FAM168A: variants seen among roughly 807,000 people sequenced by gnomAD.
FAM168A encodes the protein protein FAM168A.
In FAM168A, 3 loss-of-function variants were observed where a neutral mutation model predicts 28.5. That is an observed-to-expected ratio of 0.11 (90% CI 0.05 to 0.27). FAM168A has a LOEUF of 0.27. Among genes scored for constraint, FAM168A ranks in the 10% least tolerant of loss-of-function variants. The pLI is 1.00. For missense variants in FAM168A, 222 were observed against 311.5 expected (o/e 0.71, Z 2.16); for synonymous variants, 122 against 124.2 (o/e 0.98, Z 0.12).
At chr11:73,420,447 G>A (rs1010062376) in intron 3 of FAM168A, among the ~76,000 whole-genome samples, 2 of 152,146 alleles carry the variant, frequency 1.3e-5, no homozygotes, top group African/African-American at 4.8e-5. Context: ...TTCAAAGACA[G>A]GCCCACAAAT....
intron 1 of FAM168A, among the ~76,000 whole-genome samples, chr11:73,586,009 T>C (rs1944310055): frequency 6.6e-6 from 1 of 152,274 alleles, no homozygotes; most frequent in South Asian, 2.1e-4. Context: ...GTGGGTGAGT[T>C]ATATCCTGCT....
chr11:73,563,403 T>C (rs2134708770), intron 1 of FAM168A, among the ~76,000 whole-genome samples: 1 of 152,334 alleles, frequency 6.6e-6, no homozygotes, highest in African/African-American at 2.4e-5. Context: ...ACACACTATC[T>C]GGCCCAATAA....
intron 6 of FAM168A, among the ~76,000 whole-genome samples, chr11:73,408,989 C>T (rs1366053263): frequency 6.6e-6 from 1 of 152,108 alleles, no homozygotes; most frequent in South Asian, 2.1e-4. Flanking sequence ...CACTGACCTA[C>T]TTGCTTCCAG....
chr11:73,404,728 C>A lies in FAM168A; in HGVS notation c.*2035G>T, dbSNP rs1430599048. The stretch of plus-strand genomic sequence containing the variant: ...GGCCAAGGAGGCTGATGGGCTTTAC[C>A]CTCCTGGGAATGGCTAGACAGCTTC... On this transcript the variant is annotated 3_prime_UTR_variant, in exon 8 of 8. Coordinates refer to ENST00000356467, the MANE Select transcript of FAM168A (RefSeq NM_015159.3). 1.3e-5 allele frequency: 2 copies of A among 152,220 alleles called. No individual in the cohort carries two copies. Among genetic ancestry groups the A allele is most frequent in the Non-Finnish European group, 2.9e-5 (2 of 68,034 alleles). The allele number at this position is 152,220 out of a possible 1,614,324, so 9.4% of individuals were successfully genotyped here. A position where few individuals can be genotyped will look rare whatever the true frequency, so the allele number is the denominator to read the frequency against.
chr11:73,535,722 C>CTTTTTTT (rs59312114), intron 1 of FAM168A, among the ~76,000 whole-genome samples: 3 of 116,950 alleles, frequency 2.6e-5, no homozygotes, highest in African/African-American at 9.4e-5. Context: ...CCTCACCCTT[C>CTTTTTTT]TTTTTTTTTT....
chr11:73,438,113 T>TCATCGTCATCATCATCATCATCAC (rs1867124434), intron 2 of FAM168A, among the ~76,000 whole-genome samples: 1 of 152,178 alleles, frequency 6.6e-6, no homozygotes, highest in Non-Finnish European at 1.5e-5. Context: ...ATCATCATCA[T>TCATCGTCATCATCATCATCATCAC]CATCGTCATC....
At chr11:73,459,035 T>C (rs1239865800) in intron 2 of FAM168A, among the ~76,000 whole-genome samples, 4 of 152,224 alleles carry the variant, frequency 2.6e-5, no homozygotes, top group Non-Finnish European at 4.4e-5. Context: ...GAGCCTTTGT[T>C]CTCACATGCT....
At chr11:73,596,580 C>T (rs1312897615) in intron 1 of FAM168A, among the ~76,000 whole-genome samples, 1 of 152,068 alleles carries the variant, frequency 6.6e-6, no homozygotes, top group Non-Finnish European at 1.5e-5. Context: ...AGGTCTCTTC[C>T]GTGTCCCCTG....
intron 1 of FAM168A, among the ~76,000 whole-genome samples, chr11:73,537,236 G>C (rs1943593928): frequency 6.6e-6 from 1 of 152,116 alleles, no homozygotes; most frequent in Non-Finnish European, 1.5e-5. Context: ...TAGGAAGTGA[G>C]GCTGAAAAGG....
rs1383500198 is a variant in FAM168A, at chr11:73,401,002, A to ATCTT, written c.*5757_*5760dup. 1 of 151,994 alleles carries ATCTT rather than the reference A, an allele frequency of 6.6e-6. No homozygotes were observed. 9.4% of individuals were successfully genotyped at this position (151,994 alleles called of 1,614,324 possible). On this transcript the variant is annotated 3_prime_UTR_variant, in exon 8 of 8. Coordinates refer to ENST00000356467, the MANE Select transcript of FAM168A (RefSeq NM_015159.3). ...ACAGGCAAGGCCATGGGGCTTTCCA[A>ATCTT]TCTTTACACTCCGGACTGTGTTTTG...
At chr11:73,531,334 A>G (rs563091091) in intron 1 of FAM168A, among the ~76,000 whole-genome samples, 2 of 152,352 alleles carry the variant, frequency 1.3e-5, no homozygotes, top group South Asian at 4.1e-4. Context: ...GTAGAAAGCA[A>G]TACAGAAACA....
intron 1 of FAM168A, among the ~76,000 whole-genome samples, chr11:73,590,332 G>C (rs1379921695): frequency 1.2e-4 from 19 of 152,190 alleles, no homozygotes; most frequent in Non-Finnish European, 1.5e-5. Context: ...CAGCCTAGTA[G>C]GTCAAGGCTG....
At chr11:73,526,169 G>C (rs755256545) in intron 1 of FAM168A, among the ~76,000 whole-genome samples, 2 of 152,164 alleles carry the variant, frequency 1.3e-5, no homozygotes, top group Non-Finnish European at 2.9e-5. Flanking sequence ...AAAGTGATGA[G>C]AGATGAAGAA....
chr11:73,557,095 T>C (rs1943900779), intron 1 of FAM168A, among the ~76,000 whole-genome samples: 1 of 151,774 alleles, frequency 6.6e-6, no homozygotes, highest in African/African-American at 2.4e-5. Context: ...GCAACTCAAG[T>C]GTCTGTTGAT....
intron 1 of FAM168A, among the ~76,000 whole-genome samples, chr11:73,493,193 A>G (rs1444768182): frequency 3.9e-5 from 6 of 152,060 alleles, no homozygotes. Flanking sequence ...AAAAAATCAC[A>G]AAGTGAAAAA....
intron 2 of FAM168A, among the ~76,000 whole-genome samples, chr11:73,442,955 G>GATATACAT (rs1867226712): frequency 5.0e-5 from 2 of 40,228 alleles, no homozygotes; most frequent in Non-Finnish European, 5.3e-5. Context: ...ATATACAAAG[G>GATATACAT]ATATATATAT....
chr11:73,569,825 A>AAAATAAATAAATAAATAAATAAAT (rs111950693), intron 1 of FAM168A, among the ~76,000 whole-genome samples: 2 of 145,720 alleles, frequency 1.4e-5, no homozygotes, highest in Non-Finnish European at 3.0e-5. Context: ...CTCCACCTCA[A>AAAATAAATAAATAAATAAATAAAT]AAATAAATAA....
chr11:73,491,223 T>TG (rs770595140), intron 1 of FAM168A, among the ~76,000 whole-genome samples: 4 of 151,982 alleles, frequency 2.6e-5, no homozygotes, highest in East Asian at 1.9e-4. Flanking sequence ...AAAGAGCCCA[T>TG]GGAGAGGGGA....
chr11:73,435,800 C>CT, intron 2 of FAM168A, among the ~76,000 whole-genome samples: 1 of 152,304 alleles, frequency 6.6e-6, no homozygotes, highest in Non-Finnish European at 1.5e-5. Context: ...CATACCGTCT[C>CT]TATTTCACTC....
Sources: gnomAD v4.1 joint callset for allele counts (sites outside exome capture counted in the v4.1 genomes callset) on GRCh38, gnomAD v4.1.1 for gene constraint, MANE v1.5 for transcripts, NCBI Gene and HGNC (gene_info 2026-07-23, HGNC 2026-07-21) for gene names.